TIAM1: variants seen among roughly 807,000 people sequenced by gnomAD.
TIAM1 encodes the protein TIAM Rac1 associated GEF 1.
A neutral mutation model predicts 163.5 loss-of-function variants in TIAM1; 65 were observed. The observed-to-expected ratio is 0.40, with a 90% CI of 0.33 to 0.49. The LOEUF is 0.49. Among genes scored for constraint, TIAM1 ranks in the 20% least tolerant of loss-of-function variants. TIAM1 has a pLI of 0.77. For missense variants in TIAM1, 1,789 were observed against 2,044.7 expected (o/e 0.87, Z 2.41); for synonymous variants, 833 against 810.1 (o/e 1.03, Z -0.48).
intron 2 of TIAM1, among the ~76,000 whole-genome samples, chr21:31,380,105 A>G (rs1170340973): frequency 6.6e-6 from 1 of 152,108 alleles, no homozygotes; most frequent in East Asian, 1.9e-4. Flanking sequence ...TCTACTAAAA[A>G]TACAAAAAAT....
At chr21:31,166,180 A>C (rs1236352086) in intron 15 of TIAM1, among the ~76,000 whole-genome samples, 2 of 152,222 alleles carry the variant, frequency 1.3e-5, no homozygotes, top group African/African-American at 2.4e-5. Context: ...CATGGACCAC[A>C]CTTGGAATAG....
At chr21:31,550,172 C>T (rs1159161686) in intron 1 of TIAM1, among the ~76,000 whole-genome samples, 1 of 151,454 alleles carries the variant, frequency 6.6e-6, no homozygotes, top group Non-Finnish European at 1.5e-5. Flanking sequence ...CAAACAAATA[C>T]TTGTGCCATA....
chr21:31,462,752 T>G (rs369313249), intron 2 of TIAM1, among the ~76,000 whole-genome samples: 4,065 of 150,986 alleles, frequency 0.027, 202 homozygotes, highest in African/African-American at 0.094. Flanking sequence ...TTTTTTTGTT[T>G]TTTTTTTTGA....
intron 22 of TIAM1, among the ~76,000 whole-genome samples, chr21:31,139,522 A>G (rs1400430533): frequency 1.3e-5 from 2 of 152,076 alleles, no homozygotes; most frequent in Non-Finnish European, 2.9e-5. Context: ...AACAATCAAA[A>G]TCAACACCAA....
At chr21:31,325,224 G>T (rs144217588) in intron 2 of TIAM1, among the ~76,000 whole-genome samples, 1 of 151,860 alleles carries the variant, frequency 6.6e-6, no homozygotes, top group Non-Finnish European at 1.5e-5. Context: ...GTGGAGGTGC[G>T]GTAAGCTGTG....
At chr21:31,285,587 T>C (rs2146893499) in intron 2 of TIAM1, among the ~76,000 whole-genome samples, 1 of 152,284 alleles carries the variant, frequency 6.6e-6, no homozygotes, top group East Asian at 1.9e-4. Flanking sequence ...ACGCCAGGCA[T>C]GGTGGCTCAC....
At chr21:31,208,428 T>G (rs1167585859) in intron 11 of TIAM1, among the ~76,000 whole-genome samples, 1 of 152,238 alleles carries the variant, frequency 6.6e-6, no homozygotes, top group Non-Finnish European at 1.5e-5. Context: ...CTCTGCAGAA[T>G]GTTAATGGGT....
rs887529178 is a variant in TIAM1, at chr21:31,118,869, G to A, written c.*1499C>T. The A allele has an allele frequency of 5.9e-6, 2 of 339,896 alleles. No individual in the cohort carries two copies. Among genetic ancestry groups the A allele is most frequent in the African/African-American group, 4.3e-5 (2 of 46,188 alleles). The allele number at this position is 339,896 out of a possible 1,614,324, so 21.1% of individuals were successfully genotyped here. On this transcript the variant is annotated 3_prime_UTR_variant, in exon 28 of 28. Transcript: ENST00000541036. ...GGTGGGAACGCAGGAAAAGCAGGCA[G>A]AGGCACAAGAGCATGATGTACTGAA...
intron 1 of TIAM1, among the ~76,000 whole-genome samples, chr21:31,504,347 C>A (rs1348103794): frequency 6.6e-6 from 1 of 152,156 alleles, no homozygotes; most frequent in Non-Finnish European, 1.5e-5. Context: ...GGAATCCAAC[C>A]CTTTGGGGTA....
intron 2 of TIAM1, among the ~76,000 whole-genome samples, chr21:31,309,825 C>T (rs1476775862): frequency 6.6e-6 from 1 of 152,194 alleles, no homozygotes; most frequent in Non-Finnish European, 1.5e-5. Context: ...CATTCTGGCT[C>T]TCTGAGCTGG....
intron 1 of TIAM1, among the ~76,000 whole-genome samples, chr21:31,500,483 C>T (rs916624989): frequency 1.3e-5 from 2 of 152,170 alleles, no homozygotes; most frequent in African/African-American, 2.4e-5. Context: ...GGGGTTTAAC[C>T]GGGTCTCCCA....
chr21:31,196,885 T>C (rs190833328), intron 12 of TIAM1, among the ~76,000 whole-genome samples: 15 of 152,302 alleles, frequency 9.8e-5, no homozygotes, highest in Non-Finnish European at 1.6e-4. Flanking sequence ...ATGTGGTACA[T>C]GTATACCACA....
chr21:31,521,709 G>T (rs1425862143), intron 1 of TIAM1, among the ~76,000 whole-genome samples: 2 of 149,410 alleles, frequency 1.3e-5, no homozygotes, highest in Non-Finnish European at 3.0e-5. Context: ...CTGCATGCCA[G>T]CCTGGGCAAC....
rs1569034534 is a variant in TIAM1, at chr21:31,210,770, GAAAGAAAGAA to G, written c.2218-565_2218-556del. ...AGGGAGAAAGAAAGAAAGAAAGAAA[GAAAGAAAGAA>G]AGAAAGAAAGAAAGAAAGAAAGAAA... On this transcript the variant is annotated intron_variant, in intron 10 of 27. Coordinates refer to ENST00000541036, the MANE Select transcript of TIAM1 (RefSeq NM_001353694.2). 8.7e-5 allele frequency among the ~76,000 whole-genome samples: 12 copies of G among 138,292 alleles called. 1 individual carries two copies. The highest frequency in any genetic ancestry group is 3.9e-4 in the African/African-American group (12 of 31,096). The allele number at this position is 138,292 out of a possible 152,430, so 90.7% of individuals were successfully genotyped here.
At chr21:31,387,880 G>C (rs539545500) in intron 2 of TIAM1, among the ~76,000 whole-genome samples, 353 of 152,214 alleles carry the variant, frequency 2.3e-3, no homozygotes, top group African/African-American at 8.0e-3. Context: ...CAGTGGCCCT[G>C]ATGAGGAGGC....
In TIAM1 at chr21:31,360,780, C is replaced by T. The variant is rs997437533; in HGVS notation, c.-368-21358G>A. The stretch of plus-strand genomic sequence containing the variant: ...AGGCAGTTCACAAAAGAAAATATTC[C>T]AATGACCAATAAACCTATGAATAGG... On this transcript the variant is annotated intron_variant, in intron 2 of 28. Coordinates refer to the TIAM1 transcript ENST00000286827. Among the ~76,000 whole-genome samples the T allele has an allele frequency of 3.4e-4, 52 of 152,118 alleles. 1 individual carries two copies. The highest frequency in any genetic ancestry group is 1.3e-3 in the African/African-American group (52 of 41,420).
At chr21:31,430,237 T>TACACACACAC (rs1569324350) in intron 2 of TIAM1, among the ~76,000 whole-genome samples, 2 of 131,688 alleles carry the variant, frequency 1.5e-5, no homozygotes, top group African/African-American at 6.5e-5. Flanking sequence ...TATATATATA[T>TACACACACAC]ATATATATAT....
chr21:31,273,240 T>G (rs577044944), intron 3 of TIAM1, among the ~76,000 whole-genome samples: 1 of 152,190 alleles, frequency 6.6e-6, no homozygotes, highest in African/African-American at 2.4e-5. Flanking sequence ...AAACTCTGGA[T>G]CAGACCTTGT....
At position 31,395,455 on chromosome 21, in the gene TIAM1, T is replaced by C. The variant is rs1019412662; in HGVS notation, c.-368-56033A>G. 1.3e-5 allele frequency among the ~76,000 whole-genome samples: 2 copies of C among 151,904 alleles called. No homozygotes were observed. Among genetic ancestry groups the C allele is most frequent in the East Asian group, 1.9e-4 (1 of 5,152 alleles). ...TTTCACACCAGAGCAGCAGGGAAAA[T>C]TGGACAAGAGGGGCCCTCGGAGACC... On this transcript the variant is annotated intron_variant, in intron 2 of 28. Coordinates refer to the TIAM1 transcript ENST00000286827. The surrounding 1 kb of genome is among the most constrained non-coding windows in gnomAD (Gnocchi z 7.5).
Sources: allele counts gnomAD v4.1 joint callset (sites outside exome capture counted in the v4.1 genomes callset), GRCh38; gene constraint gnomAD v4.1.1; non-coding constraint Gnocchi (gnomAD v3.1); transcripts MANE v1.5; gene names NCBI Gene and HGNC (gene_info 2026-07-23, HGNC 2026-07-21).